TIAM2: variants seen among roughly 807,000 people sequenced by gnomAD.
The protein encoded by TIAM2 is rho guanine nucleotide exchange factor TIAM2.
TIAM2 carries 80 observed loss-of-function variants against 152.9 expected under a neutral mutation model. That is an observed-to-expected ratio of 0.52 (90% CI 0.44 to 0.63). The LOEUF is 0.63. Ranked by LOEUF, TIAM2 falls within the 30% of genes least tolerant of loss-of-function variation. TIAM2 has a pLI of 0.00. For synonymous variants in TIAM2, 804 were observed against 838.0 expected, an observed-to-expected ratio of 0.96 and a Z score of 0.70; for missense variants, 1,965 against 2,120.1, an observed-to-expected ratio of 0.93 and a Z score of 1.44.
At chr6:155,141,394 TACACACAC>T (rs67844080) in intron 5 of TIAM2, among the ~76,000 whole-genome samples, 3 of 150,142 alleles carry the variant, frequency 2.0e-5, no homozygotes, top group Non-Finnish European at 4.4e-5. Flanking sequence ...CATATATGTG[TACACACAC>T]ACACACACAC....
At chr6:155,096,215 G>A (rs1234333685) in intron 2 of TIAM2, among the ~76,000 whole-genome samples, 1 of 152,092 alleles carries the variant, frequency 6.6e-6, no homozygotes, top group Non-Finnish European at 1.5e-5. Context: ...TTTTAAAAAT[G>A]ATTTTTAAAT....
intron 7 of TIAM2, among the ~76,000 whole-genome samples, chr6:155,154,671 C>T (rs1233843798): frequency 6.6e-6 from 1 of 152,150 alleles, no homozygotes; most frequent in Non-Finnish European, 1.5e-5. Flanking sequence ...CAGATGGCAT[C>T]CCCCATCCTG....
At chr6:155,134,147 A>ATT (rs1441555608) in intron 4 of TIAM2, among the ~76,000 whole-genome samples, 27 of 93,018 alleles carry the variant, frequency 2.9e-4, no homozygotes, top group Admixed American at 1.3e-3. Context: ...AAATCGTATG[A>ATT]TTTGTGTGTG....
chr6:155,187,829 C>T (rs1562347266), intron 14 of TIAM2, among the ~76,000 whole-genome samples: 3 of 152,114 alleles, frequency 2.0e-5, no homozygotes, highest in East Asian at 1.9e-4. Flanking sequence ...CTGCCCGCCT[C>T]GACCTCCCAA....
chr6:155,228,222 G>A (rs1014424447), intron 15 of TIAM2, among the ~76,000 whole-genome samples: 1 of 152,140 alleles, frequency 6.6e-6, no homozygotes, highest in Non-Finnish European at 1.5e-5. Flanking sequence ...ACTGAATTTT[G>A]TCCTCAGTTT....
intron 14 of TIAM2, among the ~76,000 whole-genome samples, chr6:155,205,699 G>A (rs992851606): frequency 1.3e-5 from 2 of 152,168 alleles, no homozygotes; most frequent in African/African-American, 2.4e-5. Flanking sequence ...TAAGCTGCAG[G>A]TGGGATGCTG....
chr6:155,120,161 TC>T (rs1379271130), intron 2 of TIAM2, among the ~76,000 whole-genome samples: 1 of 152,226 alleles, frequency 6.6e-6, no homozygotes, highest in Non-Finnish European at 1.5e-5. Context: ...TTTATGACTT[TC>T]CCGCTTGTTG....
In TIAM2 at chr6:155,137,193, AG is replaced by A; in HGVS notation, c.1214del (p.Gly405AlafsTer12). On this transcript the variant is annotated frameshift_variant, in exon 5 of 27. Transcript: ENST00000682666. LOFTEE classifies it high-confidence loss of function. ...TTCTCACAGGAGCCGAGGTCCAAGG[AG>A]GGCAGTGACTACTTTGACAGTCGCT... ...KRKLQEPRSK[E>X]GSDYFDSRSD... The A allele has an allele frequency of 3.1e-6, 5 of 1,612,928 alleles. No individual in the cohort carries two copies. Among genetic ancestry groups the A allele is most frequent in the Non-Finnish European group, 4.2e-6 (5 of 1,178,954 alleles).
Position 155,129,036 on chromosome 6 carries a change from A to G in TIAM2, c.-6-182A>G. On this transcript the variant is annotated intron_variant, in intron 3 of 26. Coordinates refer to ENST00000682666, the MANE Select transcript of TIAM2 (RefSeq NM_012454.4). This position sits in a 1 kb window ranked among gnomAD's most constrained non-coding sequence, Gnocchi z 4.8. ...GTGTGCAGTGTTGTCTGTCTAGCTA[A>G]TGAGCAGCCTTGCAAAATAAGGAGA... 2 of 600,560 alleles carry G rather than the reference A, an allele frequency of 3.3e-6. No homozygotes were observed. The highest frequency in any genetic ancestry group is 3.0e-5 in the Admixed American group (1 of 33,896). The allele number at this position is 600,560 out of a possible 1,614,324, so 37.2% of individuals were successfully genotyped here.
chr6:155,252,043 T>A (rs751752451), intron 23 of TIAM2, 40 bp downstream of exon 23: 1 of 1,494,386 alleles, frequency 6.7e-7, no homozygotes, highest in Non-Finnish European at 9.2e-7. Context: ...TACCTTTTCA[T>A]AGCTGTATCT....
chr6:155,107,681 G>T (rs145223838), intron 2 of TIAM2, among the ~76,000 whole-genome samples: 1 of 152,130 alleles, frequency 6.6e-6, no homozygotes, highest in African/African-American at 2.4e-5. Context: ...TTTGACTTTC[G>T]CTGTTTAGTA....
chr6:155,179,656 G>A (rs1027577907), intron 12 of TIAM2, among the ~76,000 whole-genome samples, 200 bp downstream of exon 12: 1 of 152,114 alleles, frequency 6.6e-6, no homozygotes, highest in African/African-American at 2.4e-5. Context: ...AGTATTAGAG[G>A]GAAATGCCAA....
intron 2 of TIAM2, among the ~76,000 whole-genome samples, chr6:155,091,929 G>C (rs1054412918): frequency 6.6e-6 from 1 of 152,122 alleles, no homozygotes; most frequent in African/African-American, 2.4e-5. Flanking sequence ...ACAGCGACGC[G>C]CTCTGTTGCC....
At chr6:155,045,901 A>C (rs1330597947) in intron 1 of TIAM2, among the ~76,000 whole-genome samples, 2 of 130,682 alleles carry the variant, frequency 1.5e-5, no homozygotes, top group African/African-American at 5.9e-5. Context: ...CAGTGGGTAC[A>C]ACCTACTGCT....
In TIAM2 at chr6:155,225,907, G is replaced by T. The variant is rs76205270; in HGVS notation, c.3168+14600G>T. ...CACTGAACAAAAACCATAATTAAAG[G>T]GGCACACAGGGTATCTGTGCTCACT... On this transcript the variant is annotated intron_variant, in intron 15 of 26. Transcript: ENST00000682666. Among the ~76,000 whole-genome samples the T allele has an allele frequency of 8.4e-3, 1,279 of 152,164 alleles. 18 individuals are homozygous for T. The highest frequency in any genetic ancestry group is 0.029 in the African/African-American group (1,210 of 41,500).
At chr6:155,042,556 C>T (rs1050772105) in intron 1 of TIAM2, among the ~76,000 whole-genome samples, 9 of 152,206 alleles carry the variant, frequency 5.9e-5, no homozygotes, top group East Asian at 1.9e-4. Flanking sequence ...GGGATCGCGC[C>T]GCTGCAGTCC....
chr6:155,247,978 T>C (rs1783431661), intron 19 of TIAM2, 22 bp from the exon 20 acceptor site: 2 of 1,610,258 alleles, frequency 1.2e-6, no homozygotes, highest in African/African-American at 2.7e-5. Context: ...TCTTCTGAGG[T>C]CTTTTATCCA....
rs1783848773 is a variant in TIAM2, at chr6:155,254,050, T to C, written c.4303T>C (p.Leu1435=). 1 of 1,613,980 alleles carries C rather than the reference T, an allele frequency of 6.2e-7. No individual in the cohort carries two copies. The highest frequency in any genetic ancestry group is 1.3e-5 in the African/African-American group (1 of 74,928). ...IEGRPETIFQ[L]CCSDSESKTN... ...AGGACGGCCAGAAACCATCTTTCAG[T>C]TGTGTTGCAGGTATGACTGACTTCC... Residue 1435 remains leucine (L), a synonymous_variant, in exon 25 of 27, where the codon TTG becomes CTG. Transcript: ENST00000682666.
At chr6:155,145,487 A>G (rs1001749230) in intron 6 of TIAM2, among the ~76,000 whole-genome samples, 50 of 152,176 alleles carry the variant, frequency 3.3e-4, no homozygotes, top group African/African-American at 1.2e-3. Flanking sequence ...TGATTGCCGT[A>G]AGAGTAAATG....
Sources: allele counts gnomAD v4.1 joint callset (sites outside exome capture counted in the v4.1 genomes callset), GRCh38; gene constraint gnomAD v4.1.1; non-coding constraint Gnocchi (gnomAD v3.1); transcripts MANE v1.5; gene names NCBI Gene and HGNC (gene_info 2026-07-23, HGNC 2026-07-21).